SLIT3: variants seen among roughly 807,000 people sequenced by gnomAD.
SLIT3 encodes slit guidance ligand 3, also known as slit homolog 3 protein.
SLIT3 carries 68 observed loss-of-function variants against 184.0 expected under a neutral mutation model. That is an observed-to-expected ratio of 0.37 (90% CI 0.30 to 0.45). SLIT3 has a LOEUF of 0.45. Ranked by LOEUF, SLIT3 falls within the 20% of genes least tolerant of loss-of-function variation. The pLI, the probability that SLIT3 is intolerant of heterozygous loss-of-function variation, is 1.00. For synonymous variants in SLIT3, 831 were observed against 828.6 expected (o/e 1.00, Z -0.05); for missense variants, 1,707 against 2,026.0 (o/e 0.84, Z 3.02).
intron 4 of SLIT3, among the ~76,000 whole-genome samples, chr5:168,917,776 G>A (rs1761491168): frequency 6.6e-6 from 1 of 152,140 alleles, no homozygotes. Flanking sequence ...GAGAAGCCAA[G>A]GAAACCTTCG....
At chr5:168,714,582 A>G (rs1384785641) in intron 23 of SLIT3, among the ~76,000 whole-genome samples, 5 of 152,014 alleles carry the variant, frequency 3.3e-5, no homozygotes, top group Non-Finnish European at 4.4e-5. Context: ...AAACTCCATC[A>G]CAAACAAACA....
chr5:168,897,582 G>A (rs1760713027), intron 4 of SLIT3, among the ~76,000 whole-genome samples: 1 of 148,474 alleles, frequency 6.7e-6, no homozygotes, highest in South Asian at 2.2e-4. Context: ...ACCGTGAAAG[G>A]AAGAGACACA....
intron 4 of SLIT3, among the ~76,000 whole-genome samples, chr5:168,897,243 G>A (rs1044894378): frequency 2.6e-5 from 4 of 152,154 alleles, no homozygotes; most frequent in South Asian, 2.1e-4. Flanking sequence ...CTCTGCAAGC[G>A]GACCCAGCTG....
At chr5:169,285,565 A>T (rs777393452) in intron 1 of SLIT3, among the ~76,000 whole-genome samples, 5 of 152,232 alleles carry the variant, frequency 3.3e-5, no homozygotes, top group African/African-American at 7.2e-5. Flanking sequence ...AGAGCAGAGC[A>T]GAAGGGGTAC....
intron 8 of SLIT3, among the ~76,000 whole-genome samples, chr5:168,812,915 A>C (rs1321802153): frequency 6.6e-6 from 1 of 151,916 alleles, no homozygotes; most frequent in East Asian, 1.9e-4. Context: ...ATGAAAAGGG[A>C]AAGTTTCTTG....
chr5:169,212,342 G>T (rs1406063243), intron 3 of SLIT3, among the ~76,000 whole-genome samples: 1 of 152,102 alleles, frequency 6.6e-6, no homozygotes, highest in African/African-American at 2.4e-5. Context: ...TCTCACTGTG[G>T]TTTTTATTTG....
chr5:168,821,448 T>C (rs1316178440), intron 7 of SLIT3, among the ~76,000 whole-genome samples: 1 of 152,238 alleles, frequency 6.6e-6, no homozygotes, highest in Non-Finnish European at 1.5e-5. Context: ...TCTTGGCTTC[T>C]TGCCCAGAAG....
intron 35 of SLIT3, among the ~76,000 whole-genome samples, chr5:168,667,127 G>A (rs1286348822): frequency 6.6e-6 from 1 of 152,168 alleles, no homozygotes; most frequent in Non-Finnish European, 1.5e-5. Flanking sequence ...TTGAAAACAA[G>A]GAGGTCTGGC....
At chr5:169,183,881 A>G (rs1561721369) in intron 4 of SLIT3, among the ~76,000 whole-genome samples, 2 of 152,350 alleles carry the variant, frequency 1.3e-5, no homozygotes, top group South Asian at 2.1e-4. Flanking sequence ...CATATTCTGT[A>G]ATTCCAAAGC....
chr5:168,835,115 T>A (rs1476766549), intron 6 of SLIT3, among the ~76,000 whole-genome samples: 1 of 152,142 alleles, frequency 6.6e-6, no homozygotes, highest in Non-Finnish European at 1.5e-5. Context: ...TCACAGAAAG[T>A]TCTATTGGAC....
At chr5:169,239,993 A>C (rs1370673935) in intron 3 of SLIT3, among the ~76,000 whole-genome samples, 1 of 152,046 alleles carries the variant, frequency 6.6e-6, no homozygotes, top group Non-Finnish European at 1.5e-5. Flanking sequence ...ATTCAGAAAA[A>C]TATGTTCTAA....
chr5:169,095,592 A>G (rs920485753), intron 4 of SLIT3, among the ~76,000 whole-genome samples: 1 of 152,152 alleles, frequency 6.6e-6, no homozygotes, highest in Non-Finnish European at 1.5e-5. Flanking sequence ...CCCACCTGCC[A>G]TCTCTCTCTG....
At chr5:169,066,834 T>C (rs552500054) in intron 4 of SLIT3, among the ~76,000 whole-genome samples, 11 of 151,550 alleles carry the variant, frequency 7.3e-5, no homozygotes, top group Non-Finnish European at 1.0e-4. Flanking sequence ...TACATTTATA[T>C]AATGACCTAC....
At chr5:168,851,800 T>C (rs1330325293) in intron 5 of SLIT3, among the ~76,000 whole-genome samples, 1 of 152,196 alleles carries the variant, frequency 6.6e-6, no homozygotes, top group Admixed American at 6.5e-5. Context: ...TGAAAATAGA[T>C]TTATTCTTGG....
intron 12 of SLIT3, among the ~76,000 whole-genome samples, chr5:168,775,222 G>A (rs539034807): frequency 1.8e-4 from 28 of 151,946 alleles, no homozygotes; most frequent in Admixed American, 6.5e-4. Context: ...ATTTTTAGTA[G>A]AGACGGGGTT....
chr5:168,861,221 A>G (rs1452251255), intron 5 of SLIT3, among the ~76,000 whole-genome samples: 1 of 152,050 alleles, frequency 6.6e-6, no homozygotes, highest in Non-Finnish European at 1.5e-5. Context: ...CTCGTCATTT[A>G]CATTAGGTGT....
chr5:169,072,709 G>A lies in SLIT3; in HGVS notation c.413+120770C>T, dbSNP rs770662347. Among the ~76,000 whole-genome samples, 43 of 152,290 alleles carry A rather than the reference G, an allele frequency of 2.8e-4. 1 individual carries two copies. The highest frequency in any genetic ancestry group is 3.4e-3 in the Middle Eastern group (1 of 294). On this transcript the variant is annotated intron_variant, in intron 4 of 35. Transcript: ENST00000519560. Reference sequence around the variant, plus strand: ...CATAGAACAGTAGGGGCCCAGCCACGGAAGACAGAAGCCATACCAGATCTT... The same window carrying A: ...CATAGAACAGTAGGGGCCCAGCCACAGAAGACAGAAGCCATACCAGATCTT...
chr5:168,841,930 A>G (rs1472879055), intron 6 of SLIT3, among the ~76,000 whole-genome samples: 1 of 152,192 alleles, frequency 6.6e-6, no homozygotes, highest in Non-Finnish European at 1.5e-5. Flanking sequence ...ATATTTTAAA[A>G]TGCTCTTTCT....
chr5:168,759,877 A>T (rs1755080485), intron 16 of SLIT3, among the ~76,000 whole-genome samples: 1 of 152,138 alleles, frequency 6.6e-6, no homozygotes, highest in Non-Finnish European at 1.5e-5. Context: ...GACATGAAGT[A>T]GGGGGTGGGG....
Sources: gnomAD v4.1 joint callset for allele counts (sites outside exome capture counted in the v4.1 genomes callset) on GRCh38, gnomAD v4.1.1 for gene constraint, MANE v1.5 for transcripts, NCBI Gene and HGNC (gene_info 2026-07-23, HGNC 2026-07-21) for gene names.